Variants in ROBO1 observed in about 807,000 individuals in gnomAD.
ROBO1 encodes roundabout guidance receptor 1.
A neutral mutation model predicts 195.9 loss-of-function variants in ROBO1; 149 were observed. That is an observed-to-expected ratio of 0.76 (90% CI 0.67 to 0.87). The LOEUF (loss-of-function observed/expected upper bound fraction) is 0.87. ROBO1 is among the 40% of genes least tolerant of loss of function. ROBO1 has a pLI of 0.00. For missense variants in ROBO1, 1,933 were observed against 2,068.3 expected (o/e 0.93, Z 1.27); for synonymous variants, 816 against 733.2 (o/e 1.11, Z -1.82).
chr3:79,509,854 TTAA>T (rs1033593632), intron 2 of ROBO1, among the ~76,000 whole-genome samples: 4 of 152,156 alleles, frequency 2.6e-5, no homozygotes, highest in African/African-American at 9.7e-5. Flanking sequence ...CTGCTTCTTA[TTAA>T]TAATAAATTT....
At chr3:79,720,202 A>T (rs1702642379) in intron 1 of ROBO1, among the ~76,000 whole-genome samples, 1 of 152,174 alleles carries the variant, frequency 6.6e-6, no homozygotes, top group African/African-American at 2.4e-5. Flanking sequence ...TGATAAGGCT[A>T]TGTCATAAGA....
At chr3:79,677,354 G>A (rs1946813573) in intron 1 of ROBO1, among the ~76,000 whole-genome samples, 1 of 151,900 alleles carries the variant, frequency 6.6e-6, no homozygotes, top group Non-Finnish European at 1.5e-5. Flanking sequence ...AAAAGAAAGA[G>A]GTTTAATAGA....
chr3:79,118,677 G>A (rs1401539611), intron 3 of ROBO1, among the ~76,000 whole-genome samples: 2 of 151,994 alleles, frequency 1.3e-5, no homozygotes, highest in African/African-American at 4.8e-5. Context: ...AGACCATACT[G>A]GCCAACATGG....
chr3:78,693,320 G>T lies in ROBO1; in HGVS notation c.1046-4548C>A, dbSNP rs1392312994. 1.9e-6 allele frequency: 3 copies of T among 1,550,342 alleles called. No homozygotes were observed. In the Admixed American group the frequency reaches 5.9e-5, roughly 30 times the overall value. ...TCCAGTCACAGTGACACGGTGATGAGAAGATGGCCAATAAAATGTCAACTT... is the reference window on the plus strand; with the variant it reads ...TCCAGTCACAGTGACACGGTGATGATAAGATGGCCAATAAAATGTCAACTT... On this transcript the variant is annotated intron_variant, in intron 8 of 30. Coordinates refer to ENST00000464233, the MANE Select transcript of ROBO1 (RefSeq NM_002941.4).
At chr3:79,659,160 C>T (rs1160134350) in intron 1 of ROBO1, among the ~76,000 whole-genome samples, 2 of 151,976 alleles carry the variant, frequency 1.3e-5, no homozygotes, top group Admixed American at 1.3e-4. Context: ...TGTATATTAA[C>T]CATCCGGTTG....
chr3:78,950,066 C>T (rs1363439904), intron 3 of ROBO1, among the ~76,000 whole-genome samples: 1 of 152,144 alleles, frequency 6.6e-6, no homozygotes, highest in Non-Finnish European at 1.5e-5. Context: ...GTTGGTGGGA[C>T]TGTAAACTAG....
chr3:79,633,353 C>CTT (rs58016604), intron 1 of ROBO1, among the ~76,000 whole-genome samples: 95,127 of 119,780 alleles, frequency 0.79, 38,126 homozygotes, highest in East Asian at 0.88. Context: ...TTTTGCATTT[C>CTT]TTTTTTTTTT....
intron 2 of ROBO1, among the ~76,000 whole-genome samples, chr3:79,191,059 T>C (rs11922032): frequency 0.094 from 14,257 of 151,646 alleles, 1,203 homozygotes; most frequent in African/African-American, 0.22. Flanking sequence ...TATTTGCTGA[T>C]AATAATTTTA....
intron 2 of ROBO1, among the ~76,000 whole-genome samples, chr3:79,545,173 A>G (rs1278540187): frequency 6.6e-6 from 1 of 152,072 alleles, no homozygotes; most frequent in East Asian, 1.9e-4. Context: ...GTTCCAAGGA[A>G]ATTGCATGTG....
chr3:79,282,972 G>A (rs1198142772), intron 2 of ROBO1, among the ~76,000 whole-genome samples: 1 of 152,144 alleles, frequency 6.6e-6, no homozygotes, highest in Non-Finnish European at 1.5e-5. Context: ...TATTTCTAAA[G>A]GGAAGTTGCT....
At chr3:78,804,224 G>A (rs1013768541) in intron 4 of ROBO1, among the ~76,000 whole-genome samples, 1 of 152,088 alleles carries the variant, frequency 6.6e-6, no homozygotes, top group Non-Finnish European at 1.5e-5. Context: ...ACTTGTGTCT[G>A]TTTATCTTTG....
chr3:78,817,260 C>T (rs1350160279), intron 4 of ROBO1, among the ~76,000 whole-genome samples: 2 of 152,194 alleles, frequency 1.3e-5, no homozygotes, highest in African/African-American at 4.8e-5. Flanking sequence ...CAAGACAAGA[C>T]TGTCTACCAG....
intron 5 of ROBO1, among the ~76,000 whole-genome samples, chr3:78,736,194 A>G (rs1328119005): frequency 6.6e-6 from 1 of 152,156 alleles, no homozygotes. Context: ...AATCATATAT[A>G]TTCAAATTAG....
At chr3:79,350,867 T>G (rs1036695397) in intron 2 of ROBO1, among the ~76,000 whole-genome samples, 9 of 152,050 alleles carry the variant, frequency 5.9e-5, no homozygotes, top group Non-Finnish European at 1.2e-4. Context: ...TGCCCAGGAT[T>G]GAGTGCAATG....
At chr3:78,667,550 C>T (rs924455485) in intron 14 of ROBO1, among the ~76,000 whole-genome samples, 1 of 151,980 alleles carries the variant, frequency 6.6e-6, no homozygotes, top group African/African-American at 2.4e-5. Context: ...CATCCCCACC[C>T]TCCCCACAGC....
intron 3 of ROBO1, among the ~76,000 whole-genome samples, chr3:78,954,438 G>A (rs1448227047): frequency 2.0e-5 from 3 of 151,898 alleles, no homozygotes; most frequent in East Asian, 1.9e-4. Flanking sequence ...TTGTGCATCC[G>A]TAACACTCAT....
intron 29 of ROBO1, among the ~76,000 whole-genome samples, chr3:78,605,703 C>T (rs973004474): frequency 6.6e-6 from 1 of 152,100 alleles, no homozygotes. Flanking sequence ...CATTTTAATC[C>T]ATTCAAAACT....
intron 2 of ROBO1, among the ~76,000 whole-genome samples, chr3:79,556,900 A>AT: frequency 6.6e-6 from 1 of 151,240 alleles, no homozygotes; most frequent in East Asian, 1.9e-4. Flanking sequence ...TGCAATTTTT[A>AT]TTTTTTAAAA....
At chr3:78,985,123 G>A (rs1317927838) in intron 3 of ROBO1, among the ~76,000 whole-genome samples, 2 of 152,108 alleles carry the variant, frequency 1.3e-5, no homozygotes, top group East Asian at 3.9e-4. Flanking sequence ...AGACCAGCCT[G>A]GGCAACATGG....
Sources: allele counts gnomAD v4.1 joint callset (sites outside exome capture counted in the v4.1 genomes callset), GRCh38; gene constraint gnomAD v4.1.1; transcripts MANE v1.5; gene names NCBI Gene and HGNC (gene_info 2026-07-23, HGNC 2026-07-21).